Variants in SBF2 observed in about 807,000 individuals in gnomAD.
The protein encoded by SBF2 is SET binding factor 2, also known as myotubularin-related protein 13.
A neutral mutation model predicts 225.2 loss-of-function variants in SBF2; 112 were observed. That is an observed-to-expected ratio of 0.50 (90% CI 0.43 to 0.58). SBF2 has a LOEUF of 0.58. SBF2 is among the 20% of genes least tolerant of loss of function. The pLI is 0.00. For synonymous variants in SBF2, 763 were observed against 773.3 expected, an observed-to-expected ratio of 0.99 and a Z score of 0.22; for missense variants, 1,996 against 2,206.2, an observed-to-expected ratio of 0.90 and a Z score of 1.91.
intron 33 of SBF2, 86 bp downstream of exon 33, chr11:9,795,745 C>A: frequency 6.7e-7 from 1 of 1,496,572 alleles, no homozygotes; most frequent in South Asian, 1.1e-5. Flanking sequence ...GCTTGTCAGT[C>A]TTGGGGATAG....
intron 13 of SBF2, among the ~76,000 whole-genome samples, chr11:9,973,288 C>G (rs1946540353): frequency 6.6e-6 from 1 of 152,186 alleles, no homozygotes; most frequent in African/African-American, 2.4e-5. Context: ...TCATTAAAAG[C>G]TACAGCCAAA....
chr11:10,008,289 T>C (rs1948289280), intron 6 of SBF2, among the ~76,000 whole-genome samples: 1 of 152,152 alleles, frequency 6.6e-6, no homozygotes, highest in Admixed American at 6.5e-5. Context: ...CAAGAGGCCC[T>C]AGTGAAACAT....
chr11:10,226,571 C>A (rs11042674), intron 1 of SBF2, among the ~76,000 whole-genome samples: 3,276 of 150,432 alleles, frequency 0.022, 89 homozygotes, highest in African/African-American at 0.066. Context: ...TGAGTGAGAA[C>A]ATGAGGTGTT....
chr11:9,928,934 C>G (rs986920627), intron 16 of SBF2: 3 of 427,334 alleles, frequency 7.0e-6, no homozygotes, highest in African/African-American at 6.2e-5. Flanking sequence ...AAGCAATTTT[C>G]TTGTTCGAGT....
Position 9,781,847 on chromosome 11 carries a change from T to C in SBF2, c.5320-209A>G, listed in dbSNP as rs117688622. Among the ~76,000 whole-genome samples the C allele has an allele frequency of 0.028, 4,307 of 152,288 alleles. 116 individuals are homozygous for C. Among genetic ancestry groups the C allele is most frequent in the Middle Eastern group, 0.065 (19 of 294 alleles). The stretch of plus-strand genomic sequence containing the variant: ...GAAAGCATTGGGGGAAAGACTTATG[T>C]ACTGTTTGAAAATCAAACAAATAAA... On this transcript the variant is annotated intron_variant, in intron 38 of 39. Transcript: ENST00000256190.
intron 1 of SBF2, among the ~76,000 whole-genome samples, chr11:10,237,012 T>C (rs1959101170): frequency 6.6e-6 from 1 of 152,168 alleles, no homozygotes; most frequent in Admixed American, 6.5e-5. Flanking sequence ...CCCAGGGTAT[T>C]TGCCAATCTG....
At chr11:10,101,504 C>G (rs563951723) in intron 2 of SBF2, among the ~76,000 whole-genome samples, 78 of 152,186 alleles carry the variant, frequency 5.1e-4, no homozygotes, top group Admixed American at 1.4e-3. Context: ...AGTGGCTTGA[C>G]CCCCACAGCT....
chr11:10,063,854 C>CAGAG (rs1213684004), intron 2 of SBF2, among the ~76,000 whole-genome samples: 3 of 126,376 alleles, frequency 2.4e-5, no homozygotes, highest in African/African-American at 8.8e-5. Context: ...CACACACACA[C>CAGAG]ACACAGAGAG....
intron 2 of SBF2, among the ~76,000 whole-genome samples, chr11:10,167,111 A>C (rs891903014): frequency 2.0e-5 from 3 of 152,120 alleles, no homozygotes; most frequent in African/African-American, 7.2e-5. Context: ...ATCTGACTAT[A>C]TTTCCCTACT....
At chr11:9,883,394 C>T (rs1057061831) in intron 17 of SBF2, among the ~76,000 whole-genome samples, 57 of 152,036 alleles carry the variant, frequency 3.7e-4, no homozygotes, top group Non-Finnish European at 4.6e-4. Flanking sequence ...CAGAGGACTG[C>T]AGGTGCCTCC....
chr11:9,888,351 T>C (rs1190534886), intron 17 of SBF2, among the ~76,000 whole-genome samples: 1 of 151,776 alleles, frequency 6.6e-6, no homozygotes, highest in Non-Finnish European at 1.5e-5. Flanking sequence ...AAAAATTTTT[T>C]TAAATTAGCT....
At chr11:9,919,346 G>C (rs4616018) in intron 16 of SBF2, among the ~76,000 whole-genome samples, 40,835 of 150,016 alleles carry the variant, frequency 0.27, 6,611 homozygotes, top group African/African-American at 0.46. Flanking sequence ...GCTTGTAGTA[G>C]GACGAGCCAC....
chr11:9,957,004 C>G (rs1158518618), intron 16 of SBF2: 2 of 152,148 alleles, frequency 1.3e-5, no homozygotes, highest in African/African-American at 4.8e-5. Context: ...TGATTAAAAT[C>G]TAAACTTCTA....
In SBF2 at chr11:9,780,498, C is replaced by T. The variant is rs1851934295; in HGVS notation, c.5470G>A (p.Val1824Met). The T allele has an allele frequency of 1.2e-6, 2 of 1,614,160 alleles. No individual in the cohort carries two copies. Among genetic ancestry groups the T allele is most frequent in the Non-Finnish European group, 8.5e-7 (1 of 1,180,022 alleles). ...AFFDLKTSKR[V>M]YNFCAQDGQS... ...CCATCCTGGGCGCAGAAGTTATACACACGTTTGCTGGTCTTGAGCTACAAA... is the reference window on the plus strand; with the variant it reads ...CCATCCTGGGCGCAGAAGTTATACATACGTTTGCTGGTCTTGAGCTACAAA... The change falls in exon 40 of 40, where the codon GTG becomes ATG. Residue 1824 changes from valine (V) to methionine (M), a missense_variant. Val to Met is a conservative substitution (Grantham distance 21, BLOSUM62 1). Coordinates refer to ENST00000256190, the MANE Select transcript of SBF2 (RefSeq NM_030962.4).
At chr11:9,786,970 A>T (rs1852413655) in intron 36 of SBF2, among the ~76,000 whole-genome samples, 1 of 152,144 alleles carries the variant, frequency 6.6e-6, no homozygotes. Flanking sequence ...CGGCTCACTC[A>T]CTGCAACCTC....
At chr11:9,856,833 G>A in intron 18 of SBF2, 113 bp from the exon 19 acceptor site, 5 of 1,154,062 alleles carry the variant, frequency 4.3e-6, no homozygotes, top group Non-Finnish European at 6.2e-6. Context: ...TGTCACCCAG[G>A]CTGGAGTGCA....
chr11:9,837,359 A>C (rs773059100), intron 26 of SBF2, among the ~76,000 whole-genome samples: 12 of 152,236 alleles, frequency 7.9e-5, no homozygotes, highest in South Asian at 2.1e-4. Flanking sequence ...CAAATGTGAC[A>C]AAAAATACAG....
rs1240108565 is a variant in SBF2, at chr11:10,082,450, C to A, written c.142-39469G>T. 2.0e-5 allele frequency among the ~76,000 whole-genome samples: 3 copies of A among 152,038 alleles called. No homozygotes were observed. In the East Asian group the frequency reaches 5.8e-4, roughly 29 times the overall value. ...GACGACAAAAAAGAAAACTACATAT[C>A]AATATCCCTCTTGAACACAGACACA... On this transcript the variant is annotated intron_variant, in intron 2 of 39. Transcript: ENST00000256190.
At chr11:9,997,904 T>C (rs138077954) in intron 9 of SBF2, among the ~76,000 whole-genome samples, 20 of 152,202 alleles carry the variant, frequency 1.3e-4, no homozygotes, top group African/African-American at 4.6e-4. Context: ...GAGATGCCAA[T>C]AGGGAGGTTA....
Sources: allele counts gnomAD v4.1 joint callset (sites outside exome capture counted in the v4.1 genomes callset), GRCh38; gene constraint gnomAD v4.1.1; transcripts MANE v1.5; gene names NCBI Gene and HGNC (gene_info 2026-07-23, HGNC 2026-07-21).